The following BAALC variants were observed in gnomAD, a reference collection of about 807,000 sequenced individuals.
BAALC encodes BAALC binder of MAP3K1 and KLF4.
BAALC carries 9 observed loss-of-function variants against 15.5 expected under a neutral mutation model. That is an observed-to-expected ratio of 0.58 (90% CI 0.35 to 1.02). BAALC has a LOEUF of 1.02. Ranked by LOEUF, BAALC falls within the 50% of genes least tolerant of loss-of-function variation. The pLI is 0.02. For synonymous variants in BAALC, 80 were observed against 74.6 expected (o/e 1.07, Z -0.37); for missense variants, 201 against 192.4 (o/e 1.04, Z -0.27).
intron 2 of BAALC, among the ~76,000 whole-genome samples, chr8:103,226,558 A>G (rs1812811028): frequency 6.6e-6 from 1 of 152,222 alleles, no homozygotes; most frequent in African/African-American, 2.4e-5. Flanking sequence ...GTTCACCCCC[A>G]GCACACAATC....
intron 1 of BAALC, chr8:103,198,308 A>G (rs1356004350): frequency 1.8e-6 from 1 of 551,682 alleles, no homozygotes; most frequent in Non-Finnish European, 3.2e-6. Flanking sequence ...ACTAAAAAAT[A>G]AATAGCCTAA....
intron 2 of BAALC, among the ~76,000 whole-genome samples, chr8:103,219,798 G>A (rs1812638101): frequency 6.6e-6 from 1 of 152,198 alleles, no homozygotes; most frequent in Non-Finnish European, 1.5e-5. Context: ...ATTAGGGTGT[G>A]TTATTGTGTA....
rs547616473 is a variant in BAALC, at chr8:103,170,304, T to C, written c.160+29247T>C. On this transcript the variant is annotated intron_variant, in intron 1 of 2. Transcript: ENST00000309982. ...ACTTCATGGTTCTGTTGGTTTTGTATTGGATGGTATACAGAGTAGAATTGT... is the reference window on the plus strand; with the variant it reads ...ACTTCATGGTTCTGTTGGTTTTGTACTGGATGGTATACAGAGTAGAATTGT... Among the ~76,000 whole-genome samples, 298 of 152,218 alleles carry C rather than the reference T, an allele frequency of 2.0e-3. 2 individuals carry two copies. The highest frequency in any genetic ancestry group is 3.3e-3 in the Non-Finnish European group (225 of 68,014).
intron 1 of BAALC, among the ~76,000 whole-genome samples, chr8:103,174,183 T>C (rs768957234): frequency 2.0e-5 from 3 of 148,652 alleles, no homozygotes; most frequent in Non-Finnish European, 3.0e-5. Flanking sequence ...GCCTCCCCCA[T>C]CAAGATGGAG....
intron 1 of BAALC, among the ~76,000 whole-genome samples, chr8:103,152,903 C>T (rs1021492334): frequency 5.3e-5 from 8 of 152,124 alleles, no homozygotes; most frequent in African/African-American, 7.2e-5. Flanking sequence ...AAGAAGGAGA[C>T]GGGCAGAAAG....
chr8:103,170,809 G>A (rs969051941), intron 1 of BAALC, among the ~76,000 whole-genome samples: 4 of 152,146 alleles, frequency 2.6e-5, no homozygotes, highest in African/African-American at 9.7e-5. Context: ...CTTAGAAATG[G>A]GGGCCCTTTG....
intron 1 of BAALC, chr8:103,200,709 A>G: frequency 1.4e-6 from 1 of 700,800 alleles, no homozygotes; most frequent in Non-Finnish European, 2.6e-6. Flanking sequence ...TCAGTGTCTG[A>G]TGAAGGCTTG....
chr8:103,202,159 A>G (rs1563652242), intron 1 of BAALC, among the ~76,000 whole-genome samples: 1 of 152,258 alleles, frequency 6.6e-6, no homozygotes, highest in South Asian at 2.1e-4. Flanking sequence ...ATAAAAAGAA[A>G]TGCAAGGTAA....
At chr8:103,165,484 C>T (rs1441930351) in intron 1 of BAALC, 1 of 152,120 alleles carries the variant, frequency 6.6e-6, no homozygotes, top group East Asian at 1.9e-4. Context: ...AATTATGTTC[C>T]ATTCATTGGA....
chr8:103,185,964 T>C, intron 1 of BAALC, among the ~76,000 whole-genome samples: 1 of 152,148 alleles, frequency 6.6e-6, no homozygotes, highest in Non-Finnish European at 1.5e-5. Context: ...TATGAAACAT[T>C]ATTTGTCTTC....
chr8:103,140,816 G>A lies in BAALC; in HGVS notation c.-82G>A, dbSNP rs1326336732. ...ATGTCGCCGCCGCCGCCTCCTTGCG[G>A]GCCGGGGCTGCGCCTCCGGGGCTGA... is the stretch of plus-strand genomic sequence containing the variant. On this transcript the variant is annotated 5_prime_UTR_variant, in exon 1 of 3. Coordinates refer to ENST00000309982, the MANE Select transcript of BAALC (RefSeq NM_024812.3). The surrounding 1 kb of genome is among the most constrained non-coding windows in gnomAD (Gnocchi z 4.2). 3.2e-6 allele frequency: 4 copies of A among 1,238,600 alleles called. No individual in the cohort carries two copies. Among genetic ancestry groups the A allele is most frequent in the African/African-American group, 1.6e-5 (1 of 62,768 alleles). 76.7% of individuals were successfully genotyped at this position (1,238,600 alleles called of 1,614,324 possible).
intron 1 of BAALC, among the ~76,000 whole-genome samples, chr8:103,205,507 C>G (rs1008078522): frequency 6.6e-6 from 1 of 152,040 alleles, no homozygotes; most frequent in African/African-American, 2.4e-5. Flanking sequence ...AAAACTAACA[C>G]GAGTGTTGAT....
chr8:103,193,103 C>T (rs1216808859), intron 1 of BAALC, among the ~76,000 whole-genome samples: 1 of 152,220 alleles, frequency 6.6e-6, no homozygotes, highest in Non-Finnish European at 1.5e-5. Context: ...GTTTCAGTAG[C>T]TAGCCAAGCC....
intron 1 of BAALC, among the ~76,000 whole-genome samples, chr8:103,210,751 T>C (rs568959400): frequency 1.2e-4 from 18 of 152,352 alleles, no homozygotes; most frequent in Admixed American, 1.0e-3. Context: ...AGCAATGAGA[T>C]ACTTTATTTT....
chr8:103,224,320 C>T (rs1044451742), intron 2 of BAALC, among the ~76,000 whole-genome samples: 8 of 146,644 alleles, frequency 5.5e-5, no homozygotes, highest in East Asian at 2.0e-4. Context: ...CGGGGCACAG[C>T]GCTTGGTTTT....
At chr8:103,177,832 A>G (rs990325187) in intron 1 of BAALC, among the ~76,000 whole-genome samples, 2 of 152,202 alleles carry the variant, frequency 1.3e-5, no homozygotes, top group Non-Finnish European at 2.9e-5. Context: ...ATTTATTGTA[A>G]TTTATATGTG....
intron 1 of BAALC, among the ~76,000 whole-genome samples, chr8:103,205,987 A>C (rs1812318884): frequency 6.6e-6 from 1 of 152,236 alleles, no homozygotes; most frequent in Non-Finnish European, 1.5e-5. Flanking sequence ...AGCATTTTGC[A>C]TAACCCCAAT....
chr8:103,179,613 A>G (rs557836407), intron 1 of BAALC, among the ~76,000 whole-genome samples: 1 of 152,344 alleles, frequency 6.6e-6, no homozygotes, highest in East Asian at 1.9e-4. Flanking sequence ...TCACATAGCT[A>G]GTTCATGTGG....
chr8:103,176,469 A>G (rs1312368513), intron 1 of BAALC, among the ~76,000 whole-genome samples: 1 of 122,828 alleles, frequency 8.1e-6, no homozygotes, highest in East Asian at 2.1e-4. Context: ...GTGCCATAAG[A>G]AAAAAAAAAG....
Sources: gnomAD v4.1 joint callset for allele counts (sites outside exome capture counted in the v4.1 genomes callset) on GRCh38, gnomAD v4.1.1 for gene constraint, Gnocchi (gnomAD v3.1) non-coding constraint, MANE v1.5 for transcripts, NCBI Gene and HGNC (gene_info 2026-07-23, HGNC 2026-07-21) for gene names.